SYT6: variants seen among roughly 807,000 people sequenced by gnomAD.
SYT6 encodes synaptotagmin-6.
In SYT6, 24 loss-of-function variants were observed where a neutral mutation model predicts 38.4. The observed-to-expected ratio is 0.62, with a 90% confidence interval of 0.45 to 0.88. SYT6 has a LOEUF of 0.88. SYT6 is among the 40% of genes least tolerant of loss of function. The pLI is 0.00. For missense variants in SYT6, 611 were observed against 621.0 expected, an observed-to-expected ratio of 0.98 and a Z score of 0.17; for synonymous variants, 265 against 241.9, an observed-to-expected ratio of 1.10 and a Z score of -0.89.
At chr1:114,142,816 C>T (rs1481765962) in intron 1 of SYT6, among the ~76,000 whole-genome samples, 4 of 152,126 alleles carry the variant, frequency 2.6e-5, no homozygotes, top group Non-Finnish European at 5.9e-5. Context: ...TCACTGAAGG[C>T]TCATTTTTAG....
chr1:114,110,986 CA>C (rs1676640014), intron 3 of SYT6, among the ~76,000 whole-genome samples: 1 of 152,170 alleles, frequency 6.6e-6, no homozygotes, highest in South Asian at 2.1e-4. Flanking sequence ...AAGTATCATC[CA>C]AAAGCCCAAT....
chr1:114,099,744 C>T (rs928775470), intron 4 of SYT6, among the ~76,000 whole-genome samples: 1 of 152,162 alleles, frequency 6.6e-6, no homozygotes, highest in Non-Finnish European at 1.5e-5. Flanking sequence ...AAATAGGACT[C>T]AACAATGGCC....
chr1:114,141,045 A>G lies in SYT6; in HGVS notation c.164-1082T>C, dbSNP rs183015093. Among the ~76,000 whole-genome samples, 416 of 152,202 alleles carry G rather than the reference A, an allele frequency of 2.7e-3. 5 individuals are homozygous for G. Among genetic ancestry groups the G allele is most frequent in the African/African-American group, 9.9e-3 (410 of 41,510 alleles). Reference sequence around the variant, plus strand: ...GCCATTCCTCTCCTTAGGCCTCTCTATTTGCTGAGGCACAACAATATTGAA... The same window carrying G: ...GCCATTCCTCTCCTTAGGCCTCTCTGTTTGCTGAGGCACAACAATATTGAA... On this transcript the variant is annotated intron_variant, in intron 1 of 7. Coordinates refer to ENST00000610222, the MANE Select transcript of SYT6 (RefSeq NM_001253772.2).
chr1:114,124,017 T>C (rs1189286168), intron 3 of SYT6, among the ~76,000 whole-genome samples: 6 of 152,250 alleles, frequency 3.9e-5, no homozygotes, highest in Admixed American at 1.3e-4. Context: ...ACTGGTTCAT[T>C]CTCAGGAGAC....
At chr1:114,118,433 C>T (rs867302705) in intron 3 of SYT6, among the ~76,000 whole-genome samples, 7 of 152,226 alleles carry the variant, frequency 4.6e-5, no homozygotes, top group Non-Finnish European at 5.9e-5. Context: ...AGGCACTGGA[C>T]GGCCCTGGTG....
rs535320266 is a variant in SYT6, at chr1:114,103,333, G to C, written c.1192+268C>G. 5.9e-5 allele frequency among the ~76,000 whole-genome samples: 9 copies of C among 152,362 alleles called. No homozygotes were observed. The East Asian group carries it at 1.5e-3, about 26-fold the overall frequency. On this transcript the variant is annotated intron_variant, in intron 4 of 7. Transcript: ENST00000610222. ...TCTACTGAGTGCTTATATGTGTAAG[G>C]CACCATTCTGAACATTTACATGAAT...
At chr1:114,098,565 A>C (rs1185231736) in intron 5 of SYT6, among the ~76,000 whole-genome samples, 1 of 152,250 alleles carries the variant, frequency 6.6e-6, no homozygotes, top group African/African-American at 2.4e-5. Context: ...AGGGAAGGCC[A>C]TCAGAGTCCA....
In SYT6 at chr1:114,091,994, T is replaced by G; in HGVS notation, c.*140A>C. 6.5e-7 allele frequency: 1 copy of G among 1,536,092 alleles called. No individual in the cohort carries two copies. Among genetic ancestry groups the G allele is most frequent in the Admixed American group, 2.0e-5 (1 of 51,002 alleles). ...AGAACATTGCTGAGTCCCATTTGTG[T>G]TATTTGGCTGCACATCTCATGGTGT... is the stretch of plus-strand genomic sequence containing the variant. On this transcript the variant is annotated 3_prime_UTR_variant, in exon 8 of 8. Transcript: ENST00000610222.
intron 1 of SYT6, among the ~76,000 whole-genome samples, chr1:114,141,055 G>A (rs1678840257): frequency 6.6e-6 from 1 of 152,118 alleles, no homozygotes; most frequent in African/African-American, 2.4e-5. Context: ...ATTTGCTGAG[G>A]CACAACAATA....
At chr1:114,095,539 A>G (rs545298617) in intron 6 of SYT6, among the ~76,000 whole-genome samples, 1 of 152,264 alleles carries the variant, frequency 6.6e-6, no homozygotes, top group Admixed American at 6.5e-5. Context: ...ACAGCACAAG[A>G]TGGGGGCTCA....
intron 3 of SYT6, among the ~76,000 whole-genome samples, chr1:114,108,871 A>C (rs1676493480): frequency 1.3e-5 from 2 of 152,210 alleles, no homozygotes; most frequent in Admixed American, 1.3e-4. Context: ...TCTCTTAGTC[A>C]TTAAGTGGCT....
intron 3 of SYT6, among the ~76,000 whole-genome samples, chr1:114,122,504 T>TGTGTGTGTGTGTGTGCGC (rs1553181977): frequency 9.6e-5 from 11 of 114,446 alleles, no homozygotes; most frequent in East Asian, 3.3e-4. Context: ...TGTGTGTGTG[T>TGTGTGTGTGTGTGTGCGC]GTGCGCGCAC....
intron 3 of SYT6, among the ~76,000 whole-genome samples, chr1:114,105,299 C>A (rs1676220618): frequency 7.0e-6 from 1 of 143,488 alleles, no homozygotes; most frequent in Admixed American, 7.1e-5. Context: ...GAGACTCCTA[C>A]AGCCCTGTTC....
At position 114,145,044 on chromosome 1, in the gene SYT6, G is replaced by A. The variant is rs72992613; in HGVS notation, c.164-5081C>T. 9.4e-3 allele frequency among the ~76,000 whole-genome samples: 1,430 copies of A among 152,224 alleles called. 26 individuals are homozygous for A. The highest frequency in any genetic ancestry group is 0.032 in the African/African-American group (1,341 of 41,518). On this transcript the variant is annotated intron_variant, in intron 1 of 7. Coordinates refer to ENST00000610222, the MANE Select transcript of SYT6 (RefSeq NM_001253772.2). ...CTTCACCTGGAGACTGCCAGACACC[G>A]GGAAAGCTCATTCTAAGTCAACTTC...
At chr1:114,111,950 C>T (rs543088649) in intron 3 of SYT6, among the ~76,000 whole-genome samples, 30 of 152,098 alleles carry the variant, frequency 2.0e-4, no homozygotes, top group Non-Finnish European at 2.9e-4. Context: ...GCCTCAGGCC[C>T]GGGCTCCTAG....
chr1:114,146,944 T>C (rs1679187119), intron 1 of SYT6, among the ~76,000 whole-genome samples: 1 of 152,224 alleles, frequency 6.6e-6, no homozygotes, highest in Admixed American at 6.5e-5. Context: ...TAAGATGTAA[T>C]AAGCAATATA....
chr1:114,102,782 G>C (rs1379958605), intron 4 of SYT6, among the ~76,000 whole-genome samples: 1 of 151,796 alleles, frequency 6.6e-6, no homozygotes, highest in Admixed American at 6.6e-5. Context: ...GTGCAGCCCA[G>C]ACCAAGAGGC....
At chr1:114,120,072 A>C (rs1467386781) in intron 3 of SYT6, among the ~76,000 whole-genome samples, 2 of 147,162 alleles carry the variant, frequency 1.4e-5, no homozygotes, top group Non-Finnish European at 3.0e-5. Flanking sequence ...CTCTGTCTCA[A>C]AAAAAAAAAA....
In SYT6 at chr1:114,129,631, T is replaced by TTC. The variant is rs1491073726; in HGVS notation, c.1071+7862_1071+7863dup. On this transcript the variant is annotated intron_variant, in intron 3 of 7. Coordinates refer to ENST00000610222, the MANE Select transcript of SYT6 (RefSeq NM_001253772.2). ...TTCTTTCTTTCCTTTCTTTCTTTCT[T>TTC]TCTTTCTTTCTCTTTCTTTCTTTTT... Among the ~76,000 whole-genome samples, 146 of 136,964 alleles carry TTC rather than the reference T, an allele frequency of 1.1e-3. 2 individuals carry two copies. Among genetic ancestry groups the TTC allele is most frequent in the Middle Eastern group, 3.8e-3 (1 of 266 alleles). The allele number at this position is 136,964 out of a possible 152,430, so 89.9% of individuals were successfully genotyped here.
Sources: gnomAD v4.1 joint callset for allele counts (sites outside exome capture counted in the v4.1 genomes callset) on GRCh38, gnomAD v4.1.1 for gene constraint, MANE v1.5 for transcripts, NCBI Gene and HGNC (gene_info 2026-07-23, HGNC 2026-07-21) for gene names.